Variants in ZBTB7C observed in about 807,000 individuals in gnomAD.
The protein encoded by ZBTB7C is zinc finger and BTB domain containing 7C, also known as zinc finger and BTB domain-containing protein 7C.
Under a neutral mutation model 25.7 loss-of-function variants are expected in ZBTB7C, and 8 were observed. The observed-to-expected ratio is 0.31, with a 90% confidence interval of 0.18 to 0.56. ZBTB7C has a LOEUF of 0.56. Ranked by LOEUF, ZBTB7C falls within the 20% of genes least tolerant of loss-of-function variation. The pLI is 0.91. For synonymous variants in ZBTB7C, 394 were observed against 369.0 expected, an observed-to-expected ratio of 1.07 and a Z score of -0.78; for missense variants, 824 against 855.2, an observed-to-expected ratio of 0.96 and a Z score of 0.46.
intron 3 of ZBTB7C, among the ~76,000 whole-genome samples, chr18:48,116,602 G>C (rs1395963254): frequency 1.3e-5 from 2 of 152,088 alleles, no homozygotes; most frequent in African/African-American, 4.8e-5. Context: ...ACCCTGGCCT[G>C]CTTGCACCCT....
chr18:48,121,714 G>T (rs1351235625), intron 3 of ZBTB7C, among the ~76,000 whole-genome samples: 1 of 152,196 alleles, frequency 6.6e-6, no homozygotes, highest in South Asian at 2.1e-4. Flanking sequence ...AAGACTGATG[G>T]TGTGAGCCAT....
chr18:48,228,718 G>GTC (rs1396293517), intron 2 of ZBTB7C, among the ~76,000 whole-genome samples: 1 of 140,836 alleles, frequency 7.1e-6, no homozygotes, highest in Admixed American at 7.2e-5. Flanking sequence ...CTCAGAGGGA[G>GTC]TCTCTCTCTC....
intron 1 of ZBTB7C, among the ~76,000 whole-genome samples, 176 bp downstream of exon 1, chr18:48,409,050 G>A (rs1033938707): frequency 1.3e-5 from 2 of 151,302 alleles, no homozygotes; most frequent in African/African-American, 4.8e-5. Context: ...GGCGCCCCAA[G>A]GCGCGCGGAC....
intron 2 of ZBTB7C, among the ~76,000 whole-genome samples, chr18:48,279,395 A>G (rs1429989354): frequency 6.6e-6 from 1 of 152,166 alleles, no homozygotes; most frequent in Non-Finnish European, 1.5e-5. Flanking sequence ...GCTTATTCAC[A>G]CAAAGCTTCA....
chr18:48,228,296 C>G (rs1204648268), intron 2 of ZBTB7C, among the ~76,000 whole-genome samples: 1 of 152,174 alleles, frequency 6.6e-6, no homozygotes, highest in Non-Finnish European at 1.5e-5. Context: ...GACTACGAGA[C>G]TGATTGCTGG....
intron 3 of ZBTB7C, among the ~76,000 whole-genome samples, chr18:48,099,615 G>GT (rs2038760030): frequency 6.6e-6 from 1 of 152,186 alleles, no homozygotes; most frequent in South Asian, 2.1e-4. Flanking sequence ...TGCAAGTTTG[G>GT]TACTTAAGTG....
chr18:48,106,163 G>A (rs779287015), intron 3 of ZBTB7C, among the ~76,000 whole-genome samples: 1 of 152,184 alleles, frequency 6.6e-6, no homozygotes, highest in Non-Finnish European at 1.5e-5. Context: ...ACCACACGGG[G>A]AGGGATTGAA....
intron 2 of ZBTB7C, among the ~76,000 whole-genome samples, chr18:48,224,548 T>C (rs755558852): frequency 6.6e-6 from 1 of 152,154 alleles, no homozygotes; most frequent in Admixed American, 6.5e-5. Flanking sequence ...GCCCAGGGCA[T>C]CCCTGTCCTT....
intron 2 of ZBTB7C, among the ~76,000 whole-genome samples, chr18:48,333,744 T>C (rs1417396151): frequency 6.6e-6 from 1 of 152,108 alleles, no homozygotes; most frequent in Non-Finnish European, 1.5e-5. Flanking sequence ...AGCCAGCTGC[T>C]AAAGGGGGCG....
At chr18:48,178,331 G>A (rs897023116) in intron 3 of ZBTB7C, among the ~76,000 whole-genome samples, 1 of 151,092 alleles carries the variant, frequency 6.6e-6, no homozygotes, top group Admixed American at 6.6e-5. Context: ...ATCTCAGGGA[G>A]GGGATCTGCT....
chr18:48,406,555 G>A (rs948031614), intron 1 of ZBTB7C, among the ~76,000 whole-genome samples: 3 of 152,168 alleles, frequency 2.0e-5, no homozygotes, highest in Admixed American at 6.5e-5. Flanking sequence ...GAAAGGCATC[G>A]TAACACTGTA....
intron 3 of ZBTB7C, among the ~76,000 whole-genome samples, chr18:48,171,625 G>T (rs1195482508): frequency 6.6e-6 from 1 of 152,256 alleles, no homozygotes; most frequent in Non-Finnish European, 1.5e-5. Flanking sequence ...AGGGCTCTCA[G>T]CAGAGGCTTC....
At chr18:48,383,452 G>A (rs549125157) in intron 1 of ZBTB7C, among the ~76,000 whole-genome samples, 23 of 152,084 alleles carry the variant, frequency 1.5e-4, no homozygotes, top group Non-Finnish European at 2.4e-4. Flanking sequence ...TTTTAGTAGC[G>A]ACAGGTTTTC....
chr18:48,257,863 GA>G (rs1038800077), intron 2 of ZBTB7C, among the ~76,000 whole-genome samples: 6 of 151,520 alleles, frequency 4.0e-5, no homozygotes, highest in Non-Finnish European at 5.9e-5. Context: ...TTCTGATTAA[GA>G]AAAAAACCTA....
At position 48,320,892 on chromosome 18, in the gene ZBTB7C, C is replaced by T. The variant is rs7228454; in HGVS notation, c.-79+17282G>A. 7.9e-3 allele frequency among the ~76,000 whole-genome samples: 1,210 copies of T among 152,330 alleles called. 17 individuals carry two copies. Among genetic ancestry groups the T allele is most frequent in the African/African-American group, 0.027 (1,132 of 41,566 alleles). On this transcript the variant is annotated intron_variant, in intron 2 of 4. Transcript: ENST00000590800. ...TGCGGCCAGGGGGCTGACTATCCTT[C>T]CCCACCCAGGGCCTGCCAGCCCCAT...
At chr18:48,138,995 C>A (rs963281799) in intron 3 of ZBTB7C, among the ~76,000 whole-genome samples, 1 of 152,068 alleles carries the variant, frequency 6.6e-6, no homozygotes, top group African/African-American at 2.4e-5. Flanking sequence ...AAAGCACAGG[C>A]GGACTGGAGA....
intron 2 of ZBTB7C, among the ~76,000 whole-genome samples, chr18:48,284,002 C>A (rs766472437): frequency 2.0e-5 from 3 of 152,010 alleles, no homozygotes; most frequent in Non-Finnish European, 4.4e-5. Context: ...CAGAAATTTG[C>A]CAGGCATAGT....
intron 3 of ZBTB7C, among the ~76,000 whole-genome samples, chr18:48,073,104 G>A (rs2037615326): frequency 2.0e-5 from 3 of 152,220 alleles, no homozygotes; most frequent in Admixed American, 2.0e-4. Flanking sequence ...AACTGGTTTG[G>A]CTCAGAACTG....
intron 2 of ZBTB7C, among the ~76,000 whole-genome samples, chr18:48,235,475 A>AT (rs145506059): frequency 3.0e-4 from 45 of 152,120 alleles, no homozygotes; most frequent in African/African-American, 1.0e-3. Flanking sequence ...GATGTATCTC[A>AT]TTTTTTTCAT....
Sources: allele counts gnomAD v4.1 joint callset (sites outside exome capture counted in the v4.1 genomes callset), GRCh38; gene constraint gnomAD v4.1.1; transcripts MANE v1.5; gene names NCBI Gene and HGNC (gene_info 2026-07-23, HGNC 2026-07-21).